NEBL: variants seen among roughly 807,000 people sequenced by gnomAD.
NEBL encodes the protein nebulette.
A neutral mutation model predicts 140.2 loss-of-function variants in NEBL; 122 were observed. The ratio of observed to expected loss-of-function variants is 0.87; its 90% CI spans 0.75 to 1.01. The LOEUF (loss-of-function observed/expected upper bound fraction) is 1.01. NEBL is among the 50% of genes least tolerant of loss of function. The pLI is 0.00. For synonymous variants in NEBL, 436 were observed against 398.9 expected (o/e 1.09, Z -1.11); for missense variants, 1,365 against 1,231.3 (o/e 1.11, Z -1.62).
At chr10:21,176,423 A>G (rs911983557), upstream of NEBL, among the ~76,000 whole-genome samples, 1 of 152,242 alleles carries the variant, frequency 6.6e-6, no homozygotes, top group African/African-American at 2.4e-5. Flanking sequence ...AAGAAGCGAT[A>G]CATGCTCAGA....
intron 26 of NEBL, among the ~76,000 whole-genome samples, chr10:20,791,300 G>A (rs540909117): frequency 5.9e-5 from 9 of 152,266 alleles, no homozygotes; most frequent in African/African-American, 2.2e-4. Context: ...CTGCTTAATG[G>A]TTATTATTAA....
intron 20 of NEBL, among the ~76,000 whole-genome samples, chr10:20,818,386 C>T (rs1259231602): frequency 6.6e-6 from 1 of 151,916 alleles, no homozygotes; most frequent in Non-Finnish European, 1.5e-5. Flanking sequence ...GAGAAACAAA[C>T]AGTGCTGACC....
rs757784503 is a variant in NEBL, at chr10:20,889,864, A to G, written c.239T>C (p.Ile80Thr). Residue 80 changes from isoleucine (I) to threonine (T), a missense_variant, in exon 3 of 28, where the codon ATC becomes ACC. By Grantham distance (89) the Ile-to-Thr change is moderately conservative (BLOSUM62 -1). Transcript: ENST00000377122. ...DSPMLNHVKNIGAFISEAKYK... is the reference protein window; with the variant it reads ...DSPMLNHVKNTGAFISEAKYK... The stretch of plus-strand genomic sequence containing the variant: ...CCTTACCTCAGAAATAAAAGCACCG[A>G]TATTTTTTACATGGTTTAGCATAGG... 2 of 1,611,608 alleles carry G rather than the reference A, an allele frequency of 1.2e-6. No individual in the cohort carries two copies. The highest frequency in any genetic ancestry group is 1.6e-4 in the Middle Eastern group (1 of 6,076).
intron 2 of NEBL, among the ~76,000 whole-genome samples, chr10:21,064,546 T>A (rs1356414069): frequency 6.6e-6 from 1 of 152,242 alleles, no homozygotes; most frequent in Non-Finnish European, 1.5e-5. Context: ...TTATTAACCA[T>A]TTAAAAGCAA....
intron 3 of NEBL, among the ~76,000 whole-genome samples, chr10:21,196,713 C>G (rs1201356187): frequency 1.3e-5 from 2 of 152,226 alleles, no homozygotes; most frequent in African/African-American, 2.4e-5. Context: ...CTCCACTTGA[C>G]TGGCTTCAAG....
At chr10:20,936,656 T>C (rs1347391972) in intron 4 of NEBL, among the ~76,000 whole-genome samples, 1 of 152,242 alleles carries the variant, frequency 6.6e-6, no homozygotes, top group Non-Finnish European at 1.5e-5. Context: ...GCTGCCTCTT[T>C]CTTGGCAACT....
chr10:20,839,943 G>T (rs1841255985), intron 13 of NEBL, among the ~76,000 whole-genome samples: 1 of 152,116 alleles, frequency 6.6e-6, no homozygotes, highest in African/African-American at 2.4e-5. Flanking sequence ...ACAGAACCAA[G>T]AGATGGAGGA....
At chr10:20,898,550 A>G (rs1173667639), upstream of NEBL, among the ~76,000 whole-genome samples, 1 of 152,168 alleles carries the variant, frequency 6.6e-6, no homozygotes, top group Non-Finnish European at 1.5e-5. Flanking sequence ...CCATGAGGCA[A>G]AAGTTCCACA....
chr10:21,005,947 C>T (rs1838120951), intron 3 of NEBL, among the ~76,000 whole-genome samples: 1 of 151,060 alleles, frequency 6.6e-6, no homozygotes, highest in African/African-American at 2.4e-5. Context: ...CCATATTTTT[C>T]TACCTATACA....
upstream of NEBL, among the ~76,000 whole-genome samples, chr10:20,901,934 C>G (rs1847889656): frequency 6.6e-6 from 1 of 152,146 alleles, no homozygotes; most frequent in Non-Finnish European, 1.5e-5. Context: ...CAATTTGTCT[C>G]CTTTATAAAA....
intron 3 of NEBL, among the ~76,000 whole-genome samples, chr10:20,978,212 A>C (rs1401809153): frequency 6.6e-6 from 1 of 152,136 alleles, no homozygotes; most frequent in African/African-American, 2.4e-5. Context: ...CATCTTCCCC[A>C]ACACTTCCCT....
chr10:20,832,794 A>G (rs933614682), intron 14 of NEBL, among the ~76,000 whole-genome samples: 3 of 152,182 alleles, frequency 2.0e-5, no homozygotes, highest in African/African-American at 7.2e-5. Context: ...TTTGCCTCCT[A>G]TCTTCCACTC....
At chr10:21,281,700 T>G (rs566406252) in intron 1 of NEBL, among the ~76,000 whole-genome samples, 2 of 152,254 alleles carry the variant, frequency 1.3e-5, no homozygotes, top group East Asian at 3.9e-4. Flanking sequence ...ATAGTTTACT[T>G]TGGGGGTTCT....
At chr10:21,277,121 C>G (rs912263555) in intron 1 of NEBL, among the ~76,000 whole-genome samples, 7 of 151,898 alleles carry the variant, frequency 4.6e-5, no homozygotes, top group Non-Finnish European at 1.0e-4. Flanking sequence ...AGAAGAAGAC[C>G]CTGTCTCAAA....
chr10:20,854,017 C>A (rs1007813883), intron 9 of NEBL, among the ~76,000 whole-genome samples: 1 of 152,080 alleles, frequency 6.6e-6, no homozygotes, highest in Non-Finnish European at 1.5e-5. Context: ...TATATACAAC[C>A]ATTATGTATC....
chr10:20,916,892 G>A (rs1423517035), intron 4 of NEBL, among the ~76,000 whole-genome samples: 1 of 152,110 alleles, frequency 6.6e-6, no homozygotes, highest in Non-Finnish European at 1.5e-5. Flanking sequence ...GGGGAAAAAA[G>A]TTAGACTTTT....
At chr10:20,920,193 T>G (rs538447968) in intron 4 of NEBL, among the ~76,000 whole-genome samples, 2 of 152,220 alleles carry the variant, frequency 1.3e-5, no homozygotes, top group African/African-American at 4.8e-5. Flanking sequence ...CATATATTAC[T>G]GTTGGAAACA....
At chr10:20,920,510 G>C (rs1424533238) in intron 4 of NEBL, among the ~76,000 whole-genome samples, 1 of 152,150 alleles carries the variant, frequency 6.6e-6, no homozygotes, top group Admixed American at 6.5e-5. Flanking sequence ...TACAGCAATA[G>C]AGGAAAAAGC....
chr10:20,930,129 C>T (rs994670684), intron 4 of NEBL, among the ~76,000 whole-genome samples: 10 of 152,108 alleles, frequency 6.6e-5, no homozygotes. Context: ...ACGGCCACCT[C>T]CATTTAGATG....
Sources: gnomAD v4.1 joint callset for allele counts (sites outside exome capture counted in the v4.1 genomes callset) on GRCh38, gnomAD v4.1.1 for gene constraint, MANE v1.5 for transcripts, NCBI Gene and HGNC (gene_info 2026-07-23, HGNC 2026-07-21) for gene names.